PLA2G6: variants seen among roughly 807,000 people sequenced by gnomAD.
PLA2G6 encodes the protein phospholipase A2 group VI.
A neutral mutation model predicts 83.8 loss-of-function variants in PLA2G6; 62 were observed. That is an observed-to-expected ratio of 0.74 (90% CI 0.60 to 0.91). The LOEUF (loss-of-function observed/expected upper bound fraction) is 0.91. Among genes scored for constraint, PLA2G6 ranks in the 40% least tolerant of loss-of-function variants. The pLI, the probability that PLA2G6 is intolerant of heterozygous loss-of-function variation, is 0.00. For synonymous variants in PLA2G6, 417 were observed against 449.8 expected (o/e 0.93, Z 0.92); for missense variants, 944 against 1,102.0 (o/e 0.86, Z 2.03).
At chr22:38,124,956 G>A (rs1392178369) in intron 10 of PLA2G6, among the ~76,000 whole-genome samples, 1 of 152,168 alleles carries the variant, frequency 6.6e-6, no homozygotes, top group Non-Finnish European at 1.5e-5. Flanking sequence ...GGCCCAAGTG[G>A]GGAGCTACCG....
intron 2 of PLA2G6, among the ~76,000 whole-genome samples, chr22:38,155,340 T>C (rs1204568259): frequency 6.6e-6 from 1 of 151,828 alleles, no homozygotes; most frequent in East Asian, 1.9e-4. Context: ...TAATGAGCAA[T>C]AAGAAATCAC....
chr22:38,135,166 C>T (rs757271000), intron 5 of PLA2G6, 82 bp from the exon 6 acceptor site: 27 of 902,132 alleles, frequency 3.0e-5, no homozygotes, highest in Non-Finnish European at 4.8e-5. Context: ...GGAGCTTCAT[C>T]TACTGCTTAC....
chr22:38,159,651 G>A (rs2089928575), intron 2 of PLA2G6, among the ~76,000 whole-genome samples: 1 of 151,844 alleles, frequency 6.6e-6, no homozygotes, highest in African/African-American at 2.4e-5. Context: ...GATCACTTGA[G>A]CCTGGGAAGT....
At chr22:38,154,734 C>G (rs892138305) in intron 2 of PLA2G6, among the ~76,000 whole-genome samples, 5 of 152,144 alleles carry the variant, frequency 3.3e-5, no homozygotes, top group African/African-American at 4.8e-5. Context: ...AGCATCAAGA[C>G]CATACAGGAA....
intron 1 of PLA2G6, among the ~76,000 whole-genome samples, chr22:38,175,365 C>T (rs1319862149): frequency 6.6e-6 from 1 of 152,128 alleles, no homozygotes. Flanking sequence ...GGTCTCCCTG[C>T]TGACCCTGGC....
At chr22:38,173,861 G>A (rs2090528497) in intron 1 of PLA2G6, among the ~76,000 whole-genome samples, 1 of 151,952 alleles carries the variant, frequency 6.6e-6, no homozygotes, top group African/African-American at 2.4e-5. Flanking sequence ...ACCAGCCTGG[G>A]GAACATGGCA....
chr22:38,139,396 G>A (rs1467351407), intron 5 of PLA2G6: 2 of 127,512 alleles, frequency 1.6e-5, no homozygotes, highest in African/African-American at 5.2e-5. Flanking sequence ...AGGAATTAAG[G>A]TACATTAAAT....
chr22:38,164,153 A>G (rs1247658591), intron 2 of PLA2G6, among the ~76,000 whole-genome samples: 1 of 152,136 alleles, frequency 6.6e-6, no homozygotes, highest in Non-Finnish European at 1.5e-5. Context: ...TAGTGTACAC[A>G]GGCATATTAC....
chr22:38,145,910 G>A (rs1304054640), intron 2 of PLA2G6: 1 of 485,730 alleles, frequency 2.1e-6, no homozygotes, highest in East Asian at 4.0e-5. Flanking sequence ...GTCTTGCTCT[G>A]TAACCCAGGC....
At chr22:38,152,796 A>T (rs1015807550) in intron 2 of PLA2G6, among the ~76,000 whole-genome samples, 1 of 152,228 alleles carries the variant, frequency 6.6e-6, no homozygotes, top group Non-Finnish European at 1.5e-5. Context: ...TAAAAAGTGT[A>T]TAACTTCCAA....
intron 2 of PLA2G6, among the ~76,000 whole-genome samples, chr22:38,165,856 A>G (rs898241147): frequency 1.3e-5 from 2 of 152,100 alleles, no homozygotes; most frequent in South Asian, 4.1e-4. Context: ...CTCCAGCCTG[A>G]GCGACAGAGC....
chr22:38,132,887 C>G lies in PLA2G6; in HGVS notation c.1021G>C (p.Ala341Pro), dbSNP rs769000561. ...TGCTCTCCGCGGGCATCCGCGTTGG[C>G]CCCGTGGGTCAGCAGCACTATGGCA... is the stretch of plus-strand genomic sequence containing the variant. ...DCAIVLLTHGANADARGEHGN... is the reference protein window; with the variant it reads ...DCAIVLLTHGPNADARGEHGN... Residue 341 changes from alanine to proline, a missense_variant, in exon 7 of 17, where the codon GCC becomes CCC. Physicochemically the swap from Ala to Pro is conservative, Grantham distance 27. Transcript: ENST00000332509. This position sits in a 1 kb window ranked among gnomAD's most constrained non-coding sequence, Gnocchi z 5.0. 6 of 1,554,420 alleles carry G rather than the reference C, an allele frequency of 3.9e-6. No homozygotes were observed. The highest frequency in any genetic ancestry group is 5.2e-6 in the Non-Finnish European group (6 of 1,149,782).
In PLA2G6 at chr22:38,112,684, C is replaced by T. The variant is rs983310344; in HGVS notation, c.2203-107G>A. ...GAGCCCCAGCCTGGGGAGCCCCAGG[C>T]TCTTTCGAGTCAGGCTGAGCCACAC... is the stretch of plus-strand genomic sequence containing the variant. On this transcript the variant is annotated intron_variant, in intron 15 of 16. Transcript: ENST00000332509. The T allele has an allele frequency of 4.3e-6, 4 of 936,500 alleles. No individual in the cohort carries two copies. The African/African-American group carries it at 6.5e-5, about 15-fold the overall frequency. The allele number at this position is 936,500 out of a possible 1,614,324, so 58.0% of individuals were successfully genotyped here.
At chr22:38,163,489 C>A (rs866482116) in intron 2 of PLA2G6, 2 of 169,646 alleles carry the variant, frequency 1.2e-5, no homozygotes, top group Middle Eastern at 1.0e-3. Context: ...GGCCCTGTCC[C>A]TCAGGAGCCC....
intron 2 of PLA2G6, among the ~76,000 whole-genome samples, chr22:38,156,849 G>C (rs1471391665): frequency 6.6e-6 from 1 of 152,002 alleles, no homozygotes; most frequent in Non-Finnish European, 1.5e-5. Context: ...CACACCATAC[G>C]AACACATGGA....
rs147924368 is a variant in PLA2G6, at chr22:38,140,006, G to A, written c.773C>T (p.Ser258Leu). The A allele has an allele frequency of 2.6e-4, 413 of 1,606,588 alleles. No individual in the cohort carries two copies. The highest frequency in any genetic ancestry group is 4.7e-4 in the East Asian group (21 of 44,720). ...CCCCTTCTGAGAGAACTTCATGGCC[G>A]AGTGGATGGGGTAGCCGTTGGGGCC... ...IMGPNGYPIHSAMKFSQKGCA... is the reference protein window; with the variant it reads ...IMGPNGYPIHLAMKFSQKGCA... Residue 258 changes from serine to leucine, a missense_variant, in exon 5 of 17, where the codon TCG (serine) becomes TTG (leucine). Transcript: ENST00000332509.
intron 1 of PLA2G6, among the ~76,000 whole-genome samples, chr22:38,172,689 C>G (rs1256970992): frequency 6.6e-6 from 1 of 152,228 alleles, no homozygotes; most frequent in East Asian, 1.9e-4. Context: ...GACGGGCCCA[C>G]AGGGACGCGG....
rs1569249026 is a variant in PLA2G6 at position 38,120,506 on chromosome 22, C to CGGGCA, written c.1742+248_1742+252dup. 2.7e-5 allele frequency among the ~76,000 whole-genome samples: 4 copies of CGGGCA among 147,746 alleles called. No homozygotes were observed. In the East Asian group the frequency reaches 7.7e-4, roughly 29 times the overall value. On this transcript the variant is annotated intron_variant, in intron 12 of 16. Coordinates refer to ENST00000332509, the MANE Select transcript of PLA2G6 (RefSeq NM_003560.4). ...CAGGGCAGAGCCGGCAGGGCAGAGC[C>CGGGCA]GGGCAGGGCAGAGCCAGGCAGGGCA... is the stretch of plus-strand genomic sequence containing the variant.
Position 38,143,180 on chromosome 22 carries a change from C to G in PLA2G6, c.534G>C (p.Gln178His), listed in dbSNP as rs1166238427. ...CTCCCTTGTAGTCGGTGACATCCAT[C>G]TGAGTGTGGCAGTACTGCACCAGCT... The part of the protein sequence containing the change: ...LVELVQYCHT[Q>H]MDVTDYKGET... The change falls in exon 4 of 17, where the codon CAG (glutamine) becomes CAC (histidine). Residue 178 changes from glutamine to histidine, a missense_variant. Transcript: ENST00000332509. The G allele has an allele frequency of 2.5e-6, 4 of 1,614,206 alleles. No individual in the cohort carries two copies. The highest frequency in any genetic ancestry group is 2.5e-6 in the Non-Finnish European group (3 of 1,180,012).
Sources: gnomAD v4.1 joint callset for allele counts (sites outside exome capture counted in the v4.1 genomes callset) on GRCh38, gnomAD v4.1.1 for gene constraint, Gnocchi (gnomAD v3.1) non-coding constraint, MANE v1.5 for transcripts, NCBI Gene and HGNC (gene_info 2026-07-23, HGNC 2026-07-21) for gene names.